The following PDE2A variants were observed in gnomAD, a reference collection of about 807,000 sequenced individuals.
PDE2A encodes phosphodiesterase 2A, also known as cGMP-dependent 3',5'-cyclic phosphodiesterase.
Under a neutral mutation model 133.6 loss-of-function variants are expected in PDE2A, and 53 were observed. The observed-to-expected ratio is 0.40, with a 90% CI of 0.32 to 0.50. The LOEUF is 0.50. Ranked by LOEUF, PDE2A falls within the 20% of genes least tolerant of loss-of-function variation. PDE2A has a pLI of 0.73. For missense variants in PDE2A, 796 were observed against 1,232.4 expected, an observed-to-expected ratio of 0.65 and a Z score of 5.30; for synonymous variants, 491 against 490.2, an observed-to-expected ratio of 1.00 and a Z score of -0.02.
rs550544327 is a variant in PDE2A at position 72,577,344 on chromosome 11, G to A, written c.*40C>T. 2 of 1,503,244 alleles carry A rather than the reference G, an allele frequency of 1.3e-6. No individual in the cohort carries two copies. The highest frequency in any genetic ancestry group is 1.8e-6 in the Non-Finnish European group (2 of 1,088,772). The allele number at this position is 1,503,244 out of a possible 1,614,324, so 93.1% of individuals were successfully genotyped here. ...CATCTGGCCAGACCAGTGGAGGGCT[G>A]TGGGAGGTGGCCTGGGCAGGGAAGT... On this transcript the variant is annotated 3_prime_UTR_variant, in exon 31 of 31. Coordinates refer to ENST00000334456, the MANE Select transcript of PDE2A (RefSeq NM_002599.5).
At chr11:72,615,757 G>T (rs1857439374) in intron 2 of PDE2A, among the ~76,000 whole-genome samples, 1 of 152,194 alleles carries the variant, frequency 6.6e-6, no homozygotes. Context: ...TGGCATTCTA[G>T]CTATCCTTGT....
At chr11:72,663,330 C>T (rs1855128802) in intron 1 of PDE2A, among the ~76,000 whole-genome samples, 1 of 152,224 alleles carries the variant, frequency 6.6e-6, no homozygotes, top group Non-Finnish European at 1.5e-5. Flanking sequence ...AGCCCCTGTG[C>T]TGCCCAGATA....
chr11:72,586,031 G>A (rs778702419), intron 14 of PDE2A, 39 bp downstream of exon 14: 10 of 1,207,954 alleles, frequency 8.3e-6, no homozygotes, highest in East Asian at 7.3e-5. Flanking sequence ...AAAACTGAGC[G>A]AGTCGGTGCC....
intron 3 of PDE2A, among the ~76,000 whole-genome samples, chr11:72,607,402 C>T (rs1857018960): frequency 6.6e-6 from 1 of 152,200 alleles, no homozygotes; most frequent in Non-Finnish European, 1.5e-5. Context: ...TTCCACCACC[C>T]TCCCTTTCCA....
chr11:72,619,962 G>A (rs550517561), intron 2 of PDE2A, among the ~76,000 whole-genome samples: 20 of 152,210 alleles, frequency 1.3e-4, no homozygotes, highest in Admixed American at 1.0e-3. Context: ...GCAGGGGGCT[G>A]GGGCCACCTG....
At chr11:72,625,199 A>G (rs1857997550) in intron 2 of PDE2A, among the ~76,000 whole-genome samples, 1 of 152,118 alleles carries the variant, frequency 6.6e-6, no homozygotes, top group Non-Finnish European at 1.5e-5. Flanking sequence ...CCACTCCAAC[A>G]TTCCGGCTGG....
chr11:72,608,811 G>T, intron 2 of PDE2A, 60 bp from the exon 3 acceptor site: 2 of 921,562 alleles, frequency 2.2e-6, no homozygotes, highest in Non-Finnish European at 3.5e-6. Context: ...AGCCCCATCT[G>T]CCCAAAGGAC....
intron 2 of PDE2A, among the ~76,000 whole-genome samples, chr11:72,640,279 A>T (rs1858897396): frequency 6.6e-6 from 1 of 151,976 alleles, no homozygotes; most frequent in South Asian, 2.1e-4. Flanking sequence ...ATGCAGACAC[A>T]ACCTGCATAG....
chr11:72,633,831 C>G (rs537536070), intron 2 of PDE2A, among the ~76,000 whole-genome samples: 36 of 152,296 alleles, frequency 2.4e-4, no homozygotes, highest in African/African-American at 8.7e-4. Context: ...TACCGCATTT[C>G]TGTAGGTGCC....
At chr11:72,604,736 G>A (rs1856899115) in intron 4 of PDE2A, among the ~76,000 whole-genome samples, 2 of 152,186 alleles carry the variant, frequency 1.3e-5, no homozygotes, top group South Asian at 4.1e-4. Context: ...GATGCAAGGA[G>A]TTGGCACTGT....
intron 2 of PDE2A, among the ~76,000 whole-genome samples, chr11:72,635,106 G>C (rs963303134): frequency 6.6e-5 from 10 of 152,206 alleles, no homozygotes; most frequent in Admixed American, 5.9e-4. Context: ...AGTCTGAAAT[G>C]GTTAAGGAAT....
chr11:72,591,426 C>T (rs1406745342), intron 6 of PDE2A, 70 bp from the exon 7 acceptor site: 9 of 1,166,740 alleles, frequency 7.7e-6, no homozygotes, highest in Middle Eastern at 1.9e-4. Flanking sequence ...GTGCCCTCCC[C>T]ATGCGCAGCA....
intron 2 of PDE2A, among the ~76,000 whole-genome samples, chr11:72,619,609 G>C (rs1228402151): frequency 6.6e-6 from 1 of 152,190 alleles, no homozygotes; most frequent in Non-Finnish European, 1.5e-5. Context: ...ATGTGATTCA[G>C]GTCATTGATG....
At chr11:72,584,368 G>T in intron 18 of PDE2A, 55 bp from the exon 19 acceptor site, 1 of 1,319,122 alleles carries the variant, frequency 7.6e-7, no homozygotes, top group Non-Finnish European at 1.1e-6. Context: ...TCGGTTGGAG[G>T]GAGGGATCCG....
At chr11:72,607,380 C>T (rs950558023) in intron 3 of PDE2A, among the ~76,000 whole-genome samples, 4 of 152,162 alleles carry the variant, frequency 2.6e-5, no homozygotes, top group Admixed American at 1.3e-4. Flanking sequence ...CTACAGAAAC[C>T]GACCTGCCAG....
chr11:72,586,247 C>G lies in PDE2A; in HGVS notation c.1071-66G>C, dbSNP rs1415776885. On this transcript the variant is annotated intron_variant, in intron 13 of 30. Transcript: ENST00000334456. Reference sequence around the variant, plus strand: ...CTGGCTTCTCTCCCCACTCTCCTTACTTCTGTTCCATCAGAAGCCCACAGG... The same window carrying G: ...CTGGCTTCTCTCCCCACTCTCCTTAGTTCTGTTCCATCAGAAGCCCACAGG... The G allele has an allele frequency of 4.2e-6, 4 of 962,704 alleles. No homozygotes were observed. The African/African-American group carries it at 6.5e-5, about 16-fold the overall frequency. The allele number at this position is 962,704 out of a possible 1,614,324, so 59.6% of individuals were successfully genotyped here.
Position 72,590,347 on chromosome 11 carries a change from C to T in PDE2A, c.703+80G>A, listed in dbSNP as rs1231782844. The T allele has an allele frequency of 1.3e-6, 2 of 1,538,306 alleles. No homozygotes were observed. Among genetic ancestry groups the T allele is most frequent in the Admixed American group, 3.9e-5 (2 of 50,892 alleles). On this transcript the variant is annotated intron_variant, in intron 8 of 30. Transcript: ENST00000334456. This position sits in a 1 kb window ranked among gnomAD's most constrained non-coding sequence, Gnocchi z 4.8. ...CCGCGCCGGGCCCGCCGCCGGCTCC[C>T]GGGATCGCCTAACCCGCCCACCTCC... is the stretch of plus-strand genomic sequence containing the variant.
At position 72,578,101 on chromosome 11, in the gene PDE2A, T is replaced by G; in HGVS notation, c.2615+132A>C. The G allele has an allele frequency of 1.4e-6, 1 of 690,422 alleles. No homozygotes were observed. The highest frequency in any genetic ancestry group is 1.6e-5 in the South Asian group (1 of 60,716). The allele number at this position is 690,422 out of a possible 1,614,324, so 42.8% of individuals were successfully genotyped here. On this transcript the variant is annotated intron_variant, in intron 30 of 30. Transcript: ENST00000334456. This position sits in a 1 kb window ranked among gnomAD's most constrained non-coding sequence, Gnocchi z 4.2. ...TGAGGGGCACAGCGGGAGACAGTTATGCCCAGAGGCAAGGGGATGAATCAG... is the reference window on the plus strand; with the variant it reads ...TGAGGGGCACAGCGGGAGACAGTTAGGCCCAGAGGCAAGGGGATGAATCAG...
intron 22 of PDE2A, 83 bp from the exon 23 acceptor site, chr11:72,581,562 T>C: frequency 7.0e-7 from 1 of 1,436,016 alleles, no homozygotes; most frequent in South Asian, 1.3e-5. Flanking sequence ...ACATGTCCCC[T>C]CCATCCCTGA....
Sources: gnomAD v4.1 joint callset for allele counts (sites outside exome capture counted in the v4.1 genomes callset) on GRCh38, gnomAD v4.1.1 for gene constraint, Gnocchi (gnomAD v3.1) non-coding constraint, MANE v1.5 for transcripts, NCBI Gene and HGNC (gene_info 2026-07-23, HGNC 2026-07-21) for gene names.